SCAPER: variants seen among roughly 807,000 people sequenced by gnomAD.
SCAPER encodes the protein S-phase cyclin A associated protein in the ER, also known as S phase cyclin A-associated protein in the endoplasmic reticulum.
Under a neutral mutation model 182.2 loss-of-function variants are expected in SCAPER, and 98 were observed. The ratio of observed to expected loss-of-function variants is 0.54; its 90% confidence interval spans 0.46 to 0.64. The LOEUF is 0.64. SCAPER is among the 30% of genes least tolerant of loss of function. SCAPER has a pLI of 0.00. For missense variants in SCAPER, 1,432 were observed against 1,690.0 expected, an observed-to-expected ratio of 0.85 and a Z score of 2.68; for synonymous variants, 605 against 564.6, an observed-to-expected ratio of 1.07 and a Z score of -1.01.
intron 17 of SCAPER, among the ~76,000 whole-genome samples, chr15:76,728,105 A>G (rs1329419578): frequency 1.3e-5 from 2 of 151,894 alleles, no homozygotes; most frequent in African/African-American, 4.8e-5. Flanking sequence ...TTGGCCAATT[A>G]TATGTTTTTT....
intron 20 of SCAPER, among the ~76,000 whole-genome samples, chr15:76,682,568 A>G (rs1190222523): frequency 6.6e-6 from 1 of 152,118 alleles, no homozygotes; most frequent in Non-Finnish European, 1.5e-5. Context: ...GTATACCCCA[A>G]AACAGTGCGG....
intron 22 of SCAPER, among the ~76,000 whole-genome samples, chr15:76,611,055 A>G (rs1005013658): frequency 6.6e-6 from 1 of 152,212 alleles, no homozygotes; most frequent in African/African-American, 2.4e-5. Flanking sequence ...ATAGTGGCAT[A>G]AAAATAGACC....
intron 9 of SCAPER, among the ~76,000 whole-genome samples, chr15:76,774,142 A>C (rs1044563275): frequency 1.3e-5 from 2 of 151,990 alleles, no homozygotes; most frequent in East Asian, 3.8e-4. Context: ...CCAAGTACTC[A>C]AAGTTAATAA....
At chr15:76,525,261 C>A (rs1030057445) in intron 23 of SCAPER, among the ~76,000 whole-genome samples, 5 of 152,174 alleles carry the variant, frequency 3.3e-5, no homozygotes, top group Non-Finnish European at 7.4e-5. Flanking sequence ...AAACTCATAT[C>A]TATCATAAGG....
intron 15 of SCAPER, among the ~76,000 whole-genome samples, chr15:76,737,470 G>A (rs2061332453): frequency 6.6e-6 from 1 of 152,206 alleles, no homozygotes; most frequent in Non-Finnish European, 1.5e-5. Context: ...CAGCTTTGTT[G>A]TTCCATTTAT....
At chr15:76,724,560 C>T (rs1043739705) in intron 17 of SCAPER, among the ~76,000 whole-genome samples, 1 of 152,162 alleles carries the variant, frequency 6.6e-6, no homozygotes, top group Non-Finnish European at 1.5e-5. Context: ...CTTTCAGGTA[C>T]ACCAATGAGA....
intron 15 of SCAPER, among the ~76,000 whole-genome samples, chr15:76,746,308 C>G (rs1341623511): frequency 6.6e-6 from 1 of 152,228 alleles, no homozygotes; most frequent in Admixed American, 6.5e-5. Context: ...AGTTGATCCT[C>G]TGCATTCACG....
At chr15:76,606,010 C>T (rs1258448851) in intron 22 of SCAPER, among the ~76,000 whole-genome samples, 2 of 152,112 alleles carry the variant, frequency 1.3e-5, no homozygotes, top group South Asian at 2.1e-4. Context: ...TTTTTTGTGT[C>T]TCTATTTCCT....
chr15:76,643,559 G>C (rs2054280634), intron 21 of SCAPER, among the ~76,000 whole-genome samples: 2 of 152,152 alleles, frequency 1.3e-5, no homozygotes, highest in South Asian at 4.1e-4. Flanking sequence ...GCACGCACCT[G>C]TAGTCCCAGC....
At position 76,600,872 on chromosome 15, in the gene SCAPER, A is replaced by T. The variant is rs533029828; in HGVS notation, c.2711+20892T>A. ...AAAACACAGTAAGAAGGATAAAAGA[A>T]GAAATGAAGTCAAAGTGAAAACAAA... On this transcript the variant is annotated intron_variant, in intron 22 of 31. Transcript: ENST00000563290. 4.6e-4 allele frequency among the ~76,000 whole-genome samples: 56 copies of T among 122,318 alleles called. 5 individuals carry two copies. The highest frequency in any genetic ancestry group is 1.4e-3 in the African/African-American group (54 of 39,972). The allele number at this position is 122,318 out of a possible 152,430, so 80.2% of individuals were successfully genotyped here.
chr15:76,560,926 A>C (rs892851800), intron 23 of SCAPER, among the ~76,000 whole-genome samples: 1 of 152,212 alleles, frequency 6.6e-6, no homozygotes, highest in African/African-American at 2.4e-5. Context: ...ATTAGTTAAT[A>C]CACAGGGTAT....
chr15:76,421,274 C>T (rs1345874463), intron 26 of SCAPER, among the ~76,000 whole-genome samples: 2 of 152,202 alleles, frequency 1.3e-5, no homozygotes, highest in Non-Finnish European at 2.9e-5. Context: ...ACATCCTCTC[C>T]AGCACCTGCT....
chr15:76,437,850 C>T (rs1372099820), intron 25 of SCAPER, among the ~76,000 whole-genome samples: 1 of 152,100 alleles, frequency 6.6e-6, no homozygotes, highest in African/African-American at 2.4e-5. Flanking sequence ...ATTTGAGTAC[C>T]TAACACATAC....
intron 7 of SCAPER, among the ~76,000 whole-genome samples, chr15:76,795,744 T>G (rs1220236608): frequency 6.6e-6 from 1 of 152,176 alleles, no homozygotes; most frequent in Admixed American, 6.5e-5. Flanking sequence ...CTTAAAGTTT[T>G]CATTTTCACT....
At chr15:76,348,904 C>T in intron 31 of SCAPER, 168 bp from the exon 32 acceptor site, 2 of 499,622 alleles carry the variant, frequency 4.0e-6, no homozygotes, top group Admixed American at 7.3e-5. Context: ...ATGTATCAAT[C>T]TATCTGTAGT....
chr15:76,615,134 A>C (rs2051332562), intron 22 of SCAPER, among the ~76,000 whole-genome samples: 1 of 152,204 alleles, frequency 6.6e-6, no homozygotes, highest in South Asian at 2.1e-4. Context: ...CGTTGAAGAA[A>C]AGCCTTGGAC....
chr15:76,738,818 T>A (rs995226934), intron 15 of SCAPER, among the ~76,000 whole-genome samples: 26 of 152,086 alleles, frequency 1.7e-4, no homozygotes, highest in Non-Finnish European at 2.5e-4. Flanking sequence ...AATTAAAAAA[T>A]CTAAAATATT....
At chr15:76,894,749 T>C (rs1213008098) in intron 1 of SCAPER, among the ~76,000 whole-genome samples, 2 of 152,154 alleles carry the variant, frequency 1.3e-5, no homozygotes, top group African/African-American at 4.8e-5. Context: ...AAAAGACTAC[T>C]TTGAACAATT....
At chr15:76,606,579 TTC>T (rs1205010483) in intron 22 of SCAPER, among the ~76,000 whole-genome samples, 46 of 151,752 alleles carry the variant, frequency 3.0e-4, no homozygotes, top group Admixed American at 2.8e-3. Flanking sequence ...CTTGTTAACT[TTC>T]TGTCTTGTTG....
Sources: allele counts gnomAD v4.1 joint callset (sites outside exome capture counted in the v4.1 genomes callset), GRCh38; gene constraint gnomAD v4.1.1; transcripts MANE v1.5; gene names NCBI Gene and HGNC (gene_info 2026-07-23, HGNC 2026-07-21).